Variants in GDPD1 observed in about 807,000 individuals in gnomAD.
GDPD1 encodes glycerophosphodiester phosphodiesterase domain containing 1, also known as lysophospholipase D GDPD1.
Under a neutral mutation model 45.1 loss-of-function variants are expected in GDPD1, and 28 were observed. The ratio of observed to expected loss-of-function variants is 0.62; its 90% CI spans 0.46 to 0.85. The LOEUF (loss-of-function observed/expected upper bound fraction) is 0.85. Ranked by LOEUF, GDPD1 falls within the 40% of genes least tolerant of loss-of-function variation. GDPD1 has a pLI of 0.00. For synonymous variants in GDPD1, 139 were observed against 131.4 expected, an observed-to-expected ratio of 1.06 and a Z score of -0.40; for missense variants, 256 against 364.8, an observed-to-expected ratio of 0.70 and a Z score of 2.43.
intron 4 of GDPD1, among the ~76,000 whole-genome samples, chr17:59,251,406 C>T (rs2047252575): frequency 6.6e-6 from 1 of 152,098 alleles, no homozygotes; most frequent in African/African-American, 2.4e-5. Flanking sequence ...ATAATCCCAG[C>T]TACTTGGGAG....
At chr17:59,237,962 TAAAAAA>T (rs61080306) in intron 2 of GDPD1, among the ~76,000 whole-genome samples, 2 of 85,852 alleles carry the variant, frequency 2.3e-5, no homozygotes, top group Non-Finnish European at 4.4e-5. Context: ...GACTCCGTCT[TAAAAAA>T]AAAAAAAAAA....
intron 3 of GDPD1, among the ~76,000 whole-genome samples, chr17:59,246,709 C>CAAAAAAAAAAA (rs749077536): frequency 7.3e-5 from 2 of 27,560 alleles, no homozygotes; most frequent in African/African-American, 1.6e-4. Flanking sequence ...GACTCCATCT[C>CAAAAAAAAAAA]AAAAAAAAAA....
At chr17:59,227,986 A>G (rs1407317440) in intron 1 of GDPD1, among the ~76,000 whole-genome samples, 1 of 152,122 alleles carries the variant, frequency 6.6e-6, no homozygotes, top group East Asian at 1.9e-4. Context: ...CCTGGCCTAC[A>G]CAGTGAAACC....
intron 4 of GDPD1, among the ~76,000 whole-genome samples, chr17:59,253,589 A>C (rs902313684): frequency 3.3e-5 from 5 of 152,170 alleles, no homozygotes; most frequent in African/African-American, 1.2e-4. Flanking sequence ...GTTAGATAGA[A>C]TATTCTTATG....
intron 2 of GDPD1, among the ~76,000 whole-genome samples, chr17:59,235,536 G>C (rs919267032): frequency 3.3e-5 from 5 of 152,038 alleles, no homozygotes; most frequent in Admixed American, 2.0e-4. Flanking sequence ...TTTTGGCCAG[G>C]CATGGTGGCT....
At chr17:59,248,175 AAAG>A (rs1480514399) in intron 3 of GDPD1, among the ~76,000 whole-genome samples, 2 of 151,960 alleles carry the variant, frequency 1.3e-5, no homozygotes, top group Middle Eastern at 3.4e-3. Context: ...AGGCTTGCCA[AAAG>A]AAGGCCTCCC....
At chr17:59,258,118 G>T (rs188961288) in intron 6 of GDPD1, among the ~76,000 whole-genome samples, 1 of 151,924 alleles carries the variant, frequency 6.6e-6, no homozygotes, top group Non-Finnish European at 1.5e-5. Flanking sequence ...GTAGAGATGA[G>T]GTCTCACTAT....
chr17:59,269,718 G>A (rs187620338), intron 7 of GDPD1, among the ~76,000 whole-genome samples: 112 of 152,154 alleles, frequency 7.4e-4, no homozygotes, highest in Non-Finnish European at 1.5e-5. Flanking sequence ...AGCTACTCAG[G>A]AGGCTGAGGC....
chr17:59,231,034 C>A (rs1014711228), intron 1 of GDPD1, among the ~76,000 whole-genome samples: 29 of 152,172 alleles, frequency 1.9e-4, no homozygotes, highest in African/African-American at 6.5e-4. Context: ...TCTTACCAGT[C>A]CGTTATGCTA....
At chr17:59,225,577 C>T (rs986847148) in intron 1 of GDPD1, among the ~76,000 whole-genome samples, 2 of 152,094 alleles carry the variant, frequency 1.3e-5, no homozygotes, top group African/African-American at 2.4e-5. Context: ...GGCCACCCAC[C>T]GCGGCCTCCC....
Position 59,267,052 on chromosome 17 carries a change from T to A in GDPD1, c.588T>A (p.Ile196=). 6.2e-7 allele frequency: 1 copy of A among 1,611,910 alleles called. No individual in the cohort carries two copies. Among genetic ancestry groups the A allele is most frequent in the Non-Finnish European group, 8.5e-7 (1 of 1,178,190 alleles). ...CTTGTGTCTTTTAGAATTCAGATAT[T>A]CCTATACTCTTCAGTCTACAACGTG... is the stretch of plus-strand genomic sequence containing the variant. ...VEKCYKENSD[I]PILFSLQRVL... The change falls in exon 7 of 10, where the codon ATT becomes ATA. Residue 196 remains isoleucine, a synonymous_variant. Coordinates refer to ENST00000284116, the MANE Select transcript of GDPD1 (RefSeq NM_182569.4).
chr17:59,255,815 G>GTATATATATACACGTA (rs2047299317), intron 4 of GDPD1, among the ~76,000 whole-genome samples: 3 of 49,158 alleles, frequency 6.1e-5, no homozygotes, highest in African/African-American at 4.7e-4. Flanking sequence ...ATATATACGC[G>GTATATATATACACGTA]TATATATATA....
chr17:59,265,914 A>G (rs1269122268), intron 6 of GDPD1, among the ~76,000 whole-genome samples: 2 of 151,242 alleles, frequency 1.3e-5, no homozygotes, highest in East Asian at 1.9e-4. Context: ...AAAAAAAAAA[A>G]AAAAAAGGCA....
intron 1 of GDPD1, among the ~76,000 whole-genome samples, chr17:59,229,243 T>C (rs2047070755): frequency 6.6e-6 from 1 of 150,418 alleles, no homozygotes. Flanking sequence ...AAACTCTACC[T>C]CCTGGGTTCA....
chr17:59,267,006 T>TAA (rs1409018084), intron 6 of GDPD1, 35 bp from the exon 7 acceptor site: 2 of 1,553,036 alleles, frequency 1.3e-6, no homozygotes, highest in Non-Finnish European at 1.8e-6. Context: ...TGAGCAGTTG[T>TAA]AAAAATAACA....
At chr17:59,268,116 A>G (rs1254616030) in intron 7 of GDPD1, among the ~76,000 whole-genome samples, 1 of 152,140 alleles carries the variant, frequency 6.6e-6, no homozygotes, top group Non-Finnish European at 1.5e-5. Context: ...AGCACTCAAG[A>G]GTGATAGCTT....
chr17:59,220,606 T>G lies in GDPD1; in HGVS notation c.-4T>G. ...GGTGGGAGACTTCCCACACGGTGAC[T>G]GAGATGTCGTCCACTGCGGCTTTTT... On this transcript the variant is annotated 5_prime_UTR_variant, in exon 1 of 10. Coordinates refer to ENST00000284116, the MANE Select transcript of GDPD1 (RefSeq NM_182569.4). The G allele has an allele frequency of 4.3e-6, 7 of 1,612,826 alleles. No individual in the cohort carries two copies. The highest frequency in any genetic ancestry group is 1.3e-5 in the African/African-American group (1 of 75,038).
chr17:59,270,282 C>T (rs1470143711), intron 7 of GDPD1, among the ~76,000 whole-genome samples: 1 of 151,754 alleles, frequency 6.6e-6, no homozygotes, highest in Non-Finnish European at 1.5e-5. Context: ...CAACCTCTGC[C>T]TCCTGGGTTC....
intron 1 of GDPD1, among the ~76,000 whole-genome samples, chr17:59,234,201 A>T (rs952254731): frequency 1.3e-4 from 20 of 151,976 alleles, no homozygotes; most frequent in African/African-American, 3.4e-4. Context: ...CAAAAAAAAA[A>T]TTAGCCGGGC....
Sources: allele counts gnomAD v4.1 joint callset (sites outside exome capture counted in the v4.1 genomes callset), GRCh38; gene constraint gnomAD v4.1.1; transcripts MANE v1.5; gene names NCBI Gene and HGNC (gene_info 2026-07-23, HGNC 2026-07-21).